Variants in TP63 observed in about 807,000 individuals in gnomAD.
TP63 encodes tumor protein p63.
TP63 carries 17 observed loss-of-function variants against 82.8 expected under a neutral mutation model. That is an observed-to-expected ratio of 0.21 (90% CI 0.14 to 0.31). TP63 has a LOEUF of 0.31. TP63 is among the 10% of genes least tolerant of loss of function. The pLI is 1.00. For missense variants in TP63, 648 were observed against 895.3 expected (o/e 0.72, Z 3.52); for synonymous variants, 330 against 321.7 (o/e 1.03, Z -0.28).
At chr3:189,839,099 G>A (rs1713606831) in intron 4 of TP63, among the ~76,000 whole-genome samples, 1 of 148,470 alleles carries the variant, frequency 6.7e-6, no homozygotes, top group Admixed American at 6.7e-5. Context: ...ATACCAATGA[G>A]CATGGACTCT....
chr3:189,838,689 C>T (rs1000624420), intron 4 of TP63, among the ~76,000 whole-genome samples: 4 of 152,052 alleles, frequency 2.6e-5, no homozygotes, highest in African/African-American at 9.7e-5. Context: ...TTCAATTATC[C>T]AGGGGTTCCC....
intron 4 of TP63, chr3:189,829,920 A>G (rs751719884): frequency 5.0e-6 from 2 of 396,410 alleles, no homozygotes; most frequent in African/African-American, 2.2e-5. Flanking sequence ...ATTTGTATTT[A>G]TGTTCCAGAC....
Position 189,831,612 on chromosome 3 carries a change from G to T in TP63, c.579+23086G>T, listed in dbSNP as rs1045711208. Among the ~76,000 whole-genome samples, 3 of 150,426 alleles carry T rather than the reference G, an allele frequency of 2.0e-5. No individual in the cohort carries two copies. The Admixed American group carries it at 2.0e-4, about 10-fold the overall frequency. ...GTTCAGACTCTGATTTTCTGGCCAGGTGCTCATTTGATGATAGCAGCATGA... is the reference window on the plus strand; with the variant it reads ...GTTCAGACTCTGATTTTCTGGCCAGTTGCTCATTTGATGATAGCAGCATGA... On this transcript the variant is annotated intron_variant, in intron 4 of 13. Transcript: ENST00000264731.
At chr3:189,813,250 G>A (rs1239356390) in intron 4 of TP63, among the ~76,000 whole-genome samples, 1 of 152,112 alleles carries the variant, frequency 6.6e-6, no homozygotes, top group African/African-American at 2.4e-5. Context: ...GAAGCAACCT[G>A]ATCAGTCACC....
intron 4 of TP63, among the ~76,000 whole-genome samples, chr3:189,811,659 AT>A (rs1394151534): frequency 6.6e-6 from 1 of 152,196 alleles, no homozygotes; most frequent in Non-Finnish European, 1.5e-5. Flanking sequence ...ATTTTTTCAT[AT>A]ATTTATCTTA....
chr3:189,773,425 G>A (rs187107463), intron 3 of TP63, among the ~76,000 whole-genome samples: 8 of 152,316 alleles, frequency 5.3e-5, no homozygotes, highest in Admixed American at 3.9e-4. Flanking sequence ...TTAATAAGGT[G>A]GATGGACCCT....
At chr3:189,677,077 T>C (rs1047317416) in intron 1 of TP63, among the ~76,000 whole-genome samples, 13 of 146,988 alleles carry the variant, frequency 8.8e-5, no homozygotes, top group African/African-American at 3.0e-4. Context: ...GAACACATGG[T>C]ATTTGGCTTT....
At chr3:189,614,889 C>T in the TP63 span, among the ~76,000 whole-genome samples, 1 of 152,260 alleles carries the variant, frequency 6.6e-6, no homozygotes, top group Non-Finnish European at 1.5e-5. Flanking sequence ...AAAAGAAAGG[C>T]TGTGCCATCC....
In TP63 at chr3:189,731,078, C is replaced by T. The variant is rs1720134250; in HGVS notation, c.63-6662C>T. ...AGACTTAGCACCAGGCGCTCTGGCT[C>T]ACGCCTGTAATCCCAGCGCTCTGGG... On this transcript the variant is annotated intron_variant, in intron 1 of 13. Coordinates refer to ENST00000264731, the MANE Select transcript of TP63 (RefSeq NM_003722.5). Among the ~76,000 whole-genome samples the T allele has an allele frequency of 2.6e-5, 4 of 152,216 alleles. No homozygotes were observed. In the South Asian group the frequency reaches 8.3e-4, roughly 32 times the overall value.
intron 3 of TP63, among the ~76,000 whole-genome samples, chr3:189,780,521 A>T (rs200844121): frequency 0.13 from 20,135 of 152,170 alleles, 1,451 homozygotes; most frequent in East Asian, 0.32. Context: ...CCTATTTCCT[A>T]ATTCTATGTA....
chr3:189,781,233 T>A (rs1285224882), intron 3 of TP63, among the ~76,000 whole-genome samples: 1 of 152,168 alleles, frequency 6.6e-6, no homozygotes, highest in African/African-American at 2.4e-5. Flanking sequence ...TTCTGTATAC[T>A]TAGGATTTAA....
intron 3 of TP63, among the ~76,000 whole-genome samples, chr3:189,763,943 A>G (rs981360837): frequency 6.6e-6 from 1 of 152,178 alleles, no homozygotes; most frequent in Admixed American, 6.5e-5. Flanking sequence ...ATTATATGGG[A>G]ATAAACAAAC....
At chr3:189,853,265 C>T (rs1228480372) in intron 4 of TP63, among the ~76,000 whole-genome samples, 1 of 152,180 alleles carries the variant, frequency 6.6e-6, no homozygotes, top group Non-Finnish European at 1.5e-5. Flanking sequence ...AATCAGACCA[C>T]ATCAGTTGCT....
At chr3:189,823,152 G>T (rs1728970166) in intron 4 of TP63, among the ~76,000 whole-genome samples, 1 of 152,156 alleles carries the variant, frequency 6.6e-6, no homozygotes, top group African/African-American at 2.4e-5. Context: ...GACAGGCAGT[G>T]GACTCAGCCT....
chr3:189,665,447 T>A (rs1238007393), intron 1 of TP63, among the ~76,000 whole-genome samples: 1 of 152,150 alleles, frequency 6.6e-6, no homozygotes, highest in Non-Finnish European at 1.5e-5. Flanking sequence ...TAGTTTGGTA[T>A]GTTTTGAGTA....
At chr3:189,849,161 T>C (rs979000878) in intron 4 of TP63, among the ~76,000 whole-genome samples, 7 of 152,192 alleles carry the variant, frequency 4.6e-5, no homozygotes, top group African/African-American at 1.4e-4. Context: ...ACTCTGCACC[T>C]CTCCCCCCAT....
intron 4 of TP63, among the ~76,000 whole-genome samples, chr3:189,860,057 C>T (rs373153992): frequency 2.8e-4 from 43 of 152,084 alleles, no homozygotes; most frequent in South Asian, 8.3e-4. Context: ...AGTTGCACAA[C>T]GGTGTACATT....
intron 4 of TP63, among the ~76,000 whole-genome samples, chr3:189,821,780 A>C (rs991428104): frequency 3.9e-5 from 6 of 152,232 alleles, no homozygotes; most frequent in Non-Finnish European, 8.8e-5. Context: ...TCTTCTTTCC[A>C]TAAGTTCCTG....
Position 189,894,311 on chromosome 3 carries a change from C to A in TP63, c.1852C>A (p.Arg618=), listed in dbSNP as rs1455505991. The stretch of plus-strand genomic sequence containing the variant: ...ATTCTCCTCCCCTTCTCATCTCCTG[C>A]GGACCCCAAGCAGTGCCTCTACAGT... ...HEFSSPSHLL[R]TPSSASTVSV... is the part of the protein sequence containing the mutation. The change falls in exon 14 of 14, where the codon CGG becomes AGG. Residue 618 remains arginine (R), a synonymous_variant. Coordinates refer to ENST00000264731, the MANE Select transcript of TP63 (RefSeq NM_003722.5). 3.1e-6 allele frequency: 5 copies of A among 1,613,882 alleles called. No individual in the cohort carries two copies. The highest frequency in any genetic ancestry group is 4.2e-6 in the Non-Finnish European group (5 of 1,179,972).
Sources: allele counts gnomAD v4.1 joint callset (sites outside exome capture counted in the v4.1 genomes callset), GRCh38; gene constraint gnomAD v4.1.1; transcripts MANE v1.5; gene names NCBI Gene and HGNC (gene_info 2026-07-23, HGNC 2026-07-21).